The following ANKRD24 variants were observed in gnomAD, a reference collection of about 807,000 sequenced individuals.
ANKRD24 encodes the protein ankyrin repeat domain-containing protein 24.
Under a neutral mutation model 127.8 loss-of-function variants are expected in ANKRD24, and 109 were observed. The observed-to-expected ratio is 0.85, with a 90% CI of 0.73 to 1.00. The LOEUF is 1.00. Ranked by LOEUF, ANKRD24 falls within the 50% of genes least tolerant of loss-of-function variation. ANKRD24 has a pLI of 0.00. For synonymous variants in ANKRD24, 743 were observed against 671.1 expected (o/e 1.11, Z -1.66); for missense variants, 1,648 against 1,570.2 (o/e 1.05, Z -0.84).
chr19:4,218,016 G>A lies in ANKRD24; in HGVS notation c.2856G>A (p.Ala952=), dbSNP rs367656820. ...ATGKEAARLR[A]ELERERVCSV... is the part of the protein sequence containing the mutation. The stretch of plus-strand genomic sequence containing the variant: ...GCAAGGAGGCCGCCCGGCTGCGCGC[G>A]GAGCTGGAGCGGGAGCGTGTGTGCA... The change falls in exon 18 of 22, where the codon GCG becomes GCA. Residue 952 remains alanine, a synonymous_variant. Transcript: ENST00000318934. The A allele has an allele frequency of 7.9e-5, 122 of 1,550,452 alleles. No homozygotes were observed. In the South Asian group the frequency reaches 9.7e-4, roughly 12 times the overall value.
chr19:4,219,476 G>A (rs534443375), intron 18 of ANKRD24, 115 bp from the exon 19 acceptor site: 3 of 1,293,736 alleles, frequency 2.3e-6, no homozygotes, highest in African/African-American at 3.0e-5. Flanking sequence ...GCAAGACCCT[G>A]TCTTAAAAAA....
chr19:4,193,864 G>GAAGGAAGGAAGGAAGGAAGT lies in ANKRD24; in HGVS notation c.37-5800_37-5799insTAAGGAAGGAAGGAAGGAAG, dbSNP rs1968542429. ...GGGAGGGAGGAAGGAAGGAAGGAAG[G>GAAGGAAGGAAGGAAGGAAGT]AAGGAAGGAAGGAAGGAAGGAAGGA... On this transcript the variant is annotated intron_variant, in intron 2 of 21. Coordinates refer to ENST00000318934, the MANE Select transcript of ANKRD24 (RefSeq NM_001393985.1). Among the ~76,000 whole-genome samples, 20 of 133,206 alleles carry GAAGGAAGGAAGGAAGGAAGT rather than the reference G, an allele frequency of 1.5e-4. 2 individuals carry two copies. Among genetic ancestry groups the GAAGGAAGGAAGGAAGGAAGT allele is most frequent in the African/African-American group, 5.9e-4 (20 of 34,040 alleles). The allele number at this position is 133,206 out of a possible 152,430, so 87.4% of individuals were successfully genotyped here.
intron 5 of ANKRD24, among the ~76,000 whole-genome samples, chr19:4,201,463 G>T (rs1274522115): frequency 1.3e-5 from 2 of 152,142 alleles, no homozygotes; most frequent in Non-Finnish European, 2.9e-5. Context: ...GGGACATGGG[G>T]AGTAGCTGAG....
intron 11 of ANKRD24, chr19:4,209,118 T>C (rs1969554851): frequency 4.0e-6 from 1 of 251,496 alleles, no homozygotes; most frequent in Admixed American, 5.5e-5. Context: ...TTTTTTGTGT[T>C]TTTTTTCCCC....
Position 4,191,801 on chromosome 19 carries a change from A to G in ANKRD24, c.36+5340A>G, listed in dbSNP as rs1164159138. ...CCAGCCTATTTATTTATTTATTTTG[A>G]GACAGAGTCTTGCTCTGTTGCCCAG... On this transcript the variant is annotated intron_variant, in intron 2 of 21. Coordinates refer to ENST00000318934, the MANE Select transcript of ANKRD24 (RefSeq NM_001393985.1). 1.5e-4 allele frequency among the ~76,000 whole-genome samples: 18 copies of G among 120,774 alleles called. 1 individual carries two copies. The highest frequency in any genetic ancestry group is 1.1e-3 in the Admixed American group (12 of 10,684). The allele number at this position is 120,774 out of a possible 152,430, so 79.2% of individuals were successfully genotyped here.
chr19:4,190,495 C>T (rs866545008), intron 2 of ANKRD24, among the ~76,000 whole-genome samples: 2 of 151,118 alleles, frequency 1.3e-5, no homozygotes, highest in African/African-American at 2.4e-5. Context: ...GAGGCAGAGG[C>T]GGGCAGATCA....
intron 2 of ANKRD24, among the ~76,000 whole-genome samples, chr19:4,197,023 C>T (rs976044650): frequency 1.3e-5 from 2 of 152,146 alleles, no homozygotes; most frequent in African/African-American, 2.4e-5. Flanking sequence ...TTTTATGGTG[C>T]GCTTACTGTA....
chr19:4,186,593 G>T, intron 2 of ANKRD24, 132 bp downstream of exon 2: 1 of 1,035,986 alleles, frequency 9.7e-7, no homozygotes, highest in Non-Finnish European at 1.4e-6. Flanking sequence ...GCCCCCTAGC[G>T]TCATGACCTC....
At chr19:4,220,847 G>A (rs114876055) in intron 19 of ANKRD24, among the ~76,000 whole-genome samples, 6,117 of 151,352 alleles carry the variant, frequency 0.04, 319 homozygotes, top group African/African-American at 0.12. Flanking sequence ...GAGTCACCGC[G>A]ACCGGCCTCA....
At chr19:4,210,512 G>A (rs1568332793) in intron 13 of ANKRD24, 140 bp downstream of exon 13, 11 of 766,322 alleles carry the variant, frequency 1.4e-5, no homozygotes, top group East Asian at 1.4e-4. Flanking sequence ...GGGCCTCCTC[G>A]CTGTTCCTCC....
intron 1 of ANKRD24, among the ~76,000 whole-genome samples, chr19:4,184,297 A>G (rs974897344): frequency 2.6e-5 from 4 of 152,080 alleles, no homozygotes; most frequent in Non-Finnish European, 5.9e-5. Flanking sequence ...GGGGCACTGG[A>G]GCTGCAGGAG....
intron 2 of ANKRD24, among the ~76,000 whole-genome samples, chr19:4,191,955 T>TG (rs1166740649): frequency 6.6e-6 from 1 of 150,650 alleles, no homozygotes; most frequent in Non-Finnish European, 1.5e-5. Flanking sequence ...CTAATTTTTT[T>TG]TTTTTGGTAT....
chr19:4,191,239 A>G (rs926160465), intron 2 of ANKRD24, among the ~76,000 whole-genome samples: 2 of 152,084 alleles, frequency 1.3e-5, no homozygotes, highest in Non-Finnish European at 2.9e-5. Flanking sequence ...GTTTCGCAGC[A>G]GGCAGCCGGA....
intron 2 of ANKRD24, among the ~76,000 whole-genome samples, chr19:4,191,683 T>C (rs1038464190): frequency 2.2e-4 from 33 of 152,026 alleles, no homozygotes; most frequent in African/African-American, 7.0e-4. Context: ...GGTTTCATCA[T>C]GTTGGCCAGG....
intron 1 of ANKRD24, among the ~76,000 whole-genome samples, chr19:4,183,974 G>A (rs111867062): frequency 0.019 from 2,906 of 152,288 alleles, 84 homozygotes; most frequent in African/African-American, 0.066. Flanking sequence ...GTGACATGAA[G>A]TACAGAAAGA....
At position 4,208,124 on chromosome 19, in the gene ANKRD24, C is replaced by T. The variant is rs555033453; in HGVS notation, c.832+156C>T. Among the ~76,000 whole-genome samples the T allele has an allele frequency of 2.5e-4, 38 of 152,218 alleles. No individual in the cohort carries two copies. The South Asian group carries it at 7.9e-3, about 32-fold the overall frequency. On this transcript the variant is annotated intron_variant, in intron 10 of 21. Coordinates refer to ENST00000318934, the MANE Select transcript of ANKRD24 (RefSeq NM_001393985.1). Reference sequence around the variant, plus strand: ...TTCTACTCAGAACAGTTTCAAGGAGCCCCAGGGCATTTAGAGTAGTCTGGG... The same window carrying T: ...TTCTACTCAGAACAGTTTCAAGGAGTCCCAGGGCATTTAGAGTAGTCTGGG...
chr19:4,208,480 G>A (rs934923697), intron 10 of ANKRD24, among the ~76,000 whole-genome samples: 2 of 151,978 alleles, frequency 1.3e-5, no homozygotes, highest in East Asian at 2.0e-4. Context: ...TCGGGGTTTC[G>A]CCACGTTGGC....
At chr19:4,223,401 A>ATATATATATTT (rs1192232980) in intron 20 of ANKRD24, among the ~76,000 whole-genome samples, 1 of 53,342 alleles carries the variant, frequency 1.9e-5, no homozygotes, top group African/African-American at 9.5e-5. Context: ...ATATATATAT[A>ATATATATATTT]TTTTTTTTTT....
chr19:4,207,428 G>A (rs1599433741), intron 8 of ANKRD24, 73 bp from the exon 9 acceptor site: 1 of 1,569,544 alleles, frequency 6.4e-7, no homozygotes, highest in Non-Finnish European at 8.8e-7. Context: ...AAACTCAAGG[G>A]CAGTTATATA....
Sources: allele counts gnomAD v4.1 joint callset (sites outside exome capture counted in the v4.1 genomes callset), GRCh38; gene constraint gnomAD v4.1.1; transcripts MANE v1.5; gene names NCBI Gene and HGNC (gene_info 2026-07-23, HGNC 2026-07-21).